Variants in BTBD8 observed in about 807,000 individuals in gnomAD.
BTBD8 encodes BTB/POZ domain-containing protein 8.
A neutral mutation model predicts 162.9 loss-of-function variants in BTBD8; 110 were observed. That is an observed-to-expected ratio of 0.68 (90% CI 0.58 to 0.79). The LOEUF (loss-of-function observed/expected upper bound fraction) is 0.79. Among genes scored for constraint, BTBD8 ranks in the 30% least tolerant of loss-of-function variants. BTBD8 has a pLI of 0.00. For synonymous variants in BTBD8, 667 were observed against 716.1 expected (o/e 0.93, Z 1.10); for missense variants, 1,905 against 2,085.4 (o/e 0.91, Z 1.68).
chr1:92,102,126 A>AT lies in BTBD8; in HGVS notation c.348-345dup, dbSNP rs561416908. On this transcript the variant is annotated intron_variant, in intron 2 of 17. Transcript: ENST00000636805. The stretch of plus-strand genomic sequence containing the variant: ...AACCTCCGCCTCCTGGGTTCAAGTG[A>AT]TTCTCATGTCTTAGCCTCCCAAGCA... Among the ~76,000 whole-genome samples, 26 of 152,138 alleles carry AT rather than the reference A, an allele frequency of 1.7e-4. 1 individual carries two copies. The South Asian group carries it at 5.2e-3, about 30-fold the overall frequency.
chr1:92,148,166 C>G (rs912271114), intron 9 of BTBD8, among the ~76,000 whole-genome samples: 2 of 152,124 alleles, frequency 1.3e-5, no homozygotes, highest in Admixed American at 1.3e-4. Flanking sequence ...TACCTGGTGG[C>G]AGGTTGATTA....
At chr1:92,135,638 A>G (rs1378989248) in intron 5 of BTBD8, among the ~76,000 whole-genome samples, 4 of 152,196 alleles carry the variant, frequency 2.6e-5, no homozygotes, top group Non-Finnish European at 4.4e-5. Flanking sequence ...CACTTTTAGT[A>G]AAAAATACAA....
At chr1:92,117,031 G>C (rs1649058513) in intron 4 of BTBD8, among the ~76,000 whole-genome samples, 1 of 151,726 alleles carries the variant, frequency 6.6e-6, no homozygotes, top group Non-Finnish European at 1.5e-5. Flanking sequence ...AAAATTTTTT[G>C]TAGAGATGGG....
chr1:92,090,373 A>T (rs1648264711), intron 2 of BTBD8, among the ~76,000 whole-genome samples: 1 of 152,002 alleles, frequency 6.6e-6, no homozygotes. Flanking sequence ...TATAGTTTTC[A>T]TTTGTATTTC....
rs1650924541 is a variant in BTBD8, at chr1:92,181,992, T to C, written c.4309T>C (p.Ser1437Pro). 2 of 1,551,456 alleles carry C rather than the reference T, an allele frequency of 1.3e-6. No individual in the cohort carries two copies. Among genetic ancestry groups the C allele is most frequent in the Non-Finnish European group, 8.7e-7 (1 of 1,146,900 alleles). Residue 1437 changes from serine to proline, a missense_variant, in exon 17 of 18, where the codon TCA becomes CCA. Ser to Pro is a moderately conservative substitution (Grantham distance 74, BLOSUM62 -1). Transcript: ENST00000636805. Reference protein sequence around the residue: ...EFSATKKFKRSVLLSVDECEE... With the variant: ...EFSATKKFKRPVLLSVDECEE... ...TTCTGCAACTAAAAAGTTTAAAAGG[T>C]CAGTTTTACTTTCAGTCGATGAATG...
chr1:92,175,209 G>A (rs1013459314), intron 13 of BTBD8, among the ~76,000 whole-genome samples: 1 of 151,678 alleles, frequency 6.6e-6, no homozygotes, highest in African/African-American at 2.4e-5. Flanking sequence ...GGACGGGCGC[G>A]GTGGCTCACA....
chr1:92,133,966 T>A (rs1333821200), intron 5 of BTBD8, among the ~76,000 whole-genome samples: 2 of 94,854 alleles, frequency 2.1e-5, no homozygotes, highest in African/African-American at 7.6e-5. Flanking sequence ...TGAGACTCTG[T>A]CTCAAAAAAA....
intron 9 of BTBD8, among the ~76,000 whole-genome samples, chr1:92,163,596 A>G (rs970321841): frequency 4.6e-5 from 7 of 151,500 alleles, no homozygotes; most frequent in African/African-American, 1.2e-4. Context: ...TTTTTTAGCA[A>G]TAGCAAGGTT....
rs758230864 is a variant in BTBD8 at position 92,177,029 on chromosome 1, T to C, written c.1836T>C (p.Gly612=). Residue 612 remains glycine, a synonymous_variant, in exon 14 of 18, where the codon GGT becomes GGC. Transcript: ENST00000636805. The part of the protein sequence containing the change: ...LKQDDVKEKD[G]TKIASKITKE... ...AAGATGATGTAAAGGAAAAAGATGG[T>C]ACAAAAATAGCATCTAAGATTACAA... The C allele has an allele frequency of 6.5e-7, 1 of 1,549,376 alleles. No homozygotes were observed. Among genetic ancestry groups the C allele is most frequent in the Non-Finnish European group, 8.7e-7 (1 of 1,146,186 alleles).
chr1:92,109,307 T>A (rs1481179467), intron 4 of BTBD8, among the ~76,000 whole-genome samples: 1 of 152,074 alleles, frequency 6.6e-6, no homozygotes, highest in Non-Finnish European at 1.5e-5. Context: ...TTTTATTTTG[T>A]GTCCACGTTT....
intron 4 of BTBD8, among the ~76,000 whole-genome samples, chr1:92,119,500 A>G (rs1228694525): frequency 2.6e-5 from 4 of 151,930 alleles, no homozygotes; most frequent in Non-Finnish European, 5.9e-5. Flanking sequence ...TGGCCAGGCC[A>G]GTTTCACACG....
intron 4 of BTBD8, among the ~76,000 whole-genome samples, chr1:92,127,552 TTTTGTTTGTTTG>T (rs71586734): frequency 2.2e-3 from 329 of 150,034 alleles, no homozygotes; most frequent in African/African-American, 6.6e-3. Flanking sequence ...TTTTGGAAGT[TTTTGTTTGTTTG>T]TTTGTTTGTT....
In BTBD8 at chr1:92,153,200, T is replaced by A. The variant is rs187551366; in HGVS notation, c.1122+5414T>A. On this transcript the variant is annotated intron_variant, in intron 9 of 17. Coordinates refer to ENST00000636805, the MANE Select transcript of BTBD8 (RefSeq NM_001376131.1). The stretch of plus-strand genomic sequence containing the variant: ...CTAACTTAAAAAATGAATTTCATTT[T>A]AAAAAAATTTCTTGTGTGTTTGCAT... Among the ~76,000 whole-genome samples the A allele has an allele frequency of 1.8e-3, 267 of 152,234 alleles. 3 individuals carry two copies. Among genetic ancestry groups the A allele is most frequent in the African/African-American group, 5.9e-3 (244 of 41,538 alleles).
chr1:92,139,519 C>A, intron 6 of BTBD8, 89 bp downstream of exon 6: 1 of 1,504,824 alleles, frequency 6.6e-7, no homozygotes, highest in South Asian at 1.4e-5. Context: ...GAAGTAGAAA[C>A]TTTGCTTTTT....
intron 4 of BTBD8, among the ~76,000 whole-genome samples, chr1:92,113,800 C>A (rs1648963774): frequency 1.3e-5 from 2 of 151,874 alleles, no homozygotes. Flanking sequence ...ATCATGAGGT[C>A]AGGAGATTGA....
At chr1:92,150,556 A>T (rs1650021384) in intron 9 of BTBD8, 1 of 152,198 alleles carries the variant, frequency 6.6e-6, no homozygotes. Context: ...TTTTTACTTT[A>T]CAATAATTTC....
intron 5 of BTBD8, among the ~76,000 whole-genome samples, chr1:92,130,494 C>A (rs1649486063): frequency 7.4e-6 from 1 of 135,462 alleles, no homozygotes; most frequent in South Asian, 2.6e-4. Flanking sequence ...GCCTGGGTAA[C>A]AGAGCCAAAC....
chr1:92,127,428 G>T (rs1649389544), intron 4 of BTBD8, among the ~76,000 whole-genome samples: 1 of 152,192 alleles, frequency 6.6e-6, no homozygotes, highest in Non-Finnish European at 1.5e-5. Flanking sequence ...ACTAGATTCA[G>T]TTGGAACGAA....
intron 5 of BTBD8, among the ~76,000 whole-genome samples, chr1:92,134,913 CAG>C (rs1649596560): frequency 6.9e-6 from 1 of 144,022 alleles, no homozygotes; most frequent in Non-Finnish European, 1.5e-5. Context: ...TTTTTTTAGA[CAG>C]AATTTTACTC....
Sources: gnomAD v4.1 joint callset for allele counts (sites outside exome capture counted in the v4.1 genomes callset) on GRCh38, gnomAD v4.1.1 for gene constraint, MANE v1.5 for transcripts, NCBI Gene and HGNC (gene_info 2026-07-23, HGNC 2026-07-21) for gene names.